Variants in GET3 observed in about 807,000 individuals in gnomAD.
GET3 encodes the protein ATPase GET3.
GET3 carries 15 observed loss-of-function variants against 32.4 expected under a neutral mutation model. The ratio of observed to expected loss-of-function variants is 0.46; its 90% CI spans 0.31 to 0.71. The LOEUF is 0.71. Among genes scored for constraint, GET3 ranks in the 30% least tolerant of loss-of-function variants. The probability of loss-of-function intolerance (pLI) is 0.05; values close to 1 mark genes in which losing one functional copy is unlikely to be tolerated. For synonymous variants in GET3, 198 were observed against 185.6 expected, an observed-to-expected ratio of 1.07 and a Z score of -0.54; for missense variants, 333 against 459.0, an observed-to-expected ratio of 0.73 and a Z score of 2.51.
chr19:12,745,285 C>A lies in GET3; in HGVS notation c.310-92C>A. 6.7e-7 allele frequency: 1 copy of A among 1,498,176 alleles called. No homozygotes were observed. The highest frequency in any genetic ancestry group is 1.9e-5 in the Admixed American group (1 of 53,906). The allele number at this position is 1,498,176 out of a possible 1,614,324, so 92.8% of individuals were successfully genotyped here. A position where few individuals can be genotyped will look rare whatever the true frequency, so the allele number is the denominator to read the frequency against. On this transcript the variant is annotated intron_variant, in intron 2 of 6. Coordinates refer to ENST00000357332, the MANE Select transcript of GET3 (RefSeq NM_004317.4). The surrounding 1 kb of genome is among the most constrained non-coding windows in gnomAD (Gnocchi z 5.0). ...CCACAGGCTCCCTCTGGCCCTGTGC[C>A]CGGGTAGGAAGGCTCCCCCTGGCCC...
chr19:12,739,231 G>A (rs1489446299), intron 2 of GET3, among the ~76,000 whole-genome samples: 1 of 151,678 alleles, frequency 6.6e-6, no homozygotes, highest in African/African-American at 2.4e-5. Flanking sequence ...GCAGTAACCC[G>A]ATCTAGGCTG....
Position 12,737,587 on chromosome 19 carries a change from C to A in GET3, c.82C>A (p.Leu28Ile). Residue 28 changes from leucine (L) to isoleucine (I), a missense_variant, in exon 1 of 7, where the codon CTT (leucine) becomes ATT (isoleucine). Physicochemically the swap from Leu to Ile is conservative, Grantham distance 5. Coordinates refer to ENST00000357332, the MANE Select transcript of GET3 (RefSeq NM_004317.4). ...TGATGTGGAGCCGCTGGAGCCTACA[C>A]TTAGCAACATCATCGAGCAGCGCAG... Reference protein sequence around the residue: ...APDVEPLEPTLSNIIEQRSLK... With the variant: ...APDVEPLEPTISNIIEQRSLK... 1 of 1,612,350 alleles carries A rather than the reference C, an allele frequency of 6.2e-7. No homozygotes were observed. The highest frequency in any genetic ancestry group is 2.2e-5 in the East Asian group (1 of 44,660).
chr19:12,748,071 C>A lies in GET3; in HGVS notation c.1014C>A (p.Leu338=). The change falls in exon 7 of 7, where the codon CTC becomes CTA. Residue 338 remains leucine (L), a synonymous_variant. Transcript: ENST00000357332. Reference sequence around the variant, plus strand: ...AGGTCAACACCTTCTCGGCCCTCCTCCTGGAGCCCTACAAGCCCCCCAGTG... The same window carrying A: ...AGGTCAACACCTTCTCGGCCCTCCTACTGGAGCCCTACAAGCCCCCCAGTG... ...ADKVNTFSAL[L]LEPYKPPSAQ is the part of the protein sequence containing the mutation. 1.9e-6 allele frequency: 3 copies of A among 1,610,168 alleles called. No homozygotes were observed. Among genetic ancestry groups the A allele is most frequent in the Non-Finnish European group, 2.5e-6 (3 of 1,177,368 alleles).
Position 12,747,739 on chromosome 19 carries a change from AGAGGACTGT to A in GET3, c.915+149_915+157del. 1.6e-6 allele frequency: 2 copies of A among 1,224,858 alleles called. No individual in the cohort carries two copies. Among genetic ancestry groups the A allele is most frequent in the Non-Finnish European group, 2.3e-6 (2 of 885,296 alleles). The allele number at this position is 1,224,858 out of a possible 1,614,324, so 75.9% of individuals were successfully genotyped here. The stretch of plus-strand genomic sequence containing the variant: ...GATCCTTCACCCTTATTCCGGCCAT[AGAGGACTGT>A]GGCTGGCCTGGCCTAGGTCCCTGTG... On this transcript the variant is annotated intron_variant, in intron 6 of 6. Coordinates refer to ENST00000357332, the MANE Select transcript of GET3 (RefSeq NM_004317.4). The surrounding 1 kb of genome is among the most constrained non-coding windows in gnomAD (Gnocchi z 4.0).
chr19:12,744,043 C>CAAAAAA (rs753666928), intron 2 of GET3, among the ~76,000 whole-genome samples: 1 of 47,818 alleles, frequency 2.1e-5, no homozygotes. Flanking sequence ...GACTCCATCT[C>CAAAAAA]AAAAAAAAAA....
chr19:12,737,809 A>C lies in GET3; in HGVS notation c.161+143A>C, dbSNP rs2066489. The C allele has an allele frequency of 1.1e-3, 1,260 of 1,154,810 alleles. 2 individuals carry two copies. The highest frequency in any genetic ancestry group is 1.4e-3 in the Non-Finnish European group (1,215 of 856,878). The allele number at this position is 1,154,810 out of a possible 1,614,324, so 71.5% of individuals were successfully genotyped here. On this transcript the variant is annotated intron_variant, in intron 1 of 6. Coordinates refer to ENST00000357332, the MANE Select transcript of GET3 (RefSeq NM_004317.4). ...GTTTCACTCTCTGGAAGTTACCTGG[A>C]GCAAATGAGAAAGACCTCAATGCAG...
upstream of GET3, chr19:12,737,389 G>A: frequency 7.9e-7 from 1 of 1,266,080 alleles, no homozygotes; most frequent in Admixed American, 3.5e-5. Context: ...TCTCCTAAAA[G>A]GCAAGTAATG....
chr19:12,748,320 C>T lies in GET3; in HGVS notation c.*216C>T. On this transcript the variant is annotated 3_prime_UTR_variant, in exon 7 of 7. Coordinates refer to ENST00000357332, the MANE Select transcript of GET3 (RefSeq NM_004317.4). Reference sequence around the variant, plus strand: ...TGCTCTTCAATAAAATGATCTTAAACTGCTGTATTGTTGACATTGGGAGGT... The same window carrying T: ...TGCTCTTCAATAAAATGATCTTAAATTGCTGTATTGTTGACATTGGGAGGT... 4.3e-6 allele frequency: 2 copies of T among 465,620 alleles called. No individual in the cohort carries two copies. The highest frequency in any genetic ancestry group is 3.4e-5 in the South Asian group (1 of 29,280). The allele number at this position is 465,620 out of a possible 1,614,324, so 28.8% of individuals were successfully genotyped here.
At chr19:12,746,484 A>T (rs1407629332) in intron 4 of GET3, among the ~76,000 whole-genome samples, 1 of 152,138 alleles carries the variant, frequency 6.6e-6, no homozygotes, top group Non-Finnish European at 1.5e-5. Flanking sequence ...AGTGCTGCAC[A>T]CCACCAGCAC....
chr19:12,739,425 C>CA (rs1282192469), intron 2 of GET3, among the ~76,000 whole-genome samples: 3 of 152,156 alleles, frequency 2.0e-5, no homozygotes, highest in Non-Finnish European at 4.4e-5. Flanking sequence ...CTCGGCCTCC[C>CA]ACAGTGCTGG....
chr19:12,744,675 T>C (rs1568349291), intron 2 of GET3, among the ~76,000 whole-genome samples: 1 of 152,072 alleles, frequency 6.6e-6, no homozygotes, highest in African/African-American at 2.4e-5. Flanking sequence ...TGCTAAGCGC[T>C]AAGGACACAG....
At position 12,747,043 on chromosome 19, in the gene GET3, A is replaced by G. The variant is rs1445489838; in HGVS notation, c.610-154A>G. 6.6e-6 allele frequency among the ~76,000 whole-genome samples: 1 copy of G among 151,952 alleles called. No homozygotes were observed. Among genetic ancestry groups the G allele is most frequent in the East Asian group, 1.9e-4 (1 of 5,188 alleles). ...AAAAAAAAGAAAGAAAGAAATGGAA[A>G]AGCTAGTATTTGACCAACCCCAGGA... On this transcript the variant is annotated intron_variant, in intron 4 of 6. Transcript: ENST00000357332. The surrounding 1 kb of genome is among the most constrained non-coding windows in gnomAD (Gnocchi z 4.0).
At position 12,745,875 on chromosome 19, in the gene GET3, A is replaced by T; in HGVS notation, c.609+116A>T. 7.5e-7 allele frequency: 1 copy of T among 1,338,192 alleles called. No homozygotes were observed. Among genetic ancestry groups the T allele is most frequent in the Non-Finnish European group, 1.0e-6 (1 of 1,004,774 alleles). The allele number at this position is 1,338,192 out of a possible 1,614,324, so 82.9% of individuals were successfully genotyped here. ...TTCCCTTTCCTTCCCACCCCTTCTC[A>T]CTCTGGACTTCTCCCTGGAGGGGAT... On this transcript the variant is annotated intron_variant, in intron 4 of 6. Coordinates refer to ENST00000357332, the MANE Select transcript of GET3 (RefSeq NM_004317.4). The surrounding 1 kb of genome is among the most constrained non-coding windows in gnomAD (Gnocchi z 5.0).
At position 12,742,066 on chromosome 19, in the gene GET3, A is replaced by G. The variant is rs1967680685; in HGVS notation, c.310-3311A>G. On this transcript the variant is annotated intron_variant, in intron 2 of 6. Coordinates refer to ENST00000357332, the MANE Select transcript of GET3 (RefSeq NM_004317.4). ...GATCACGTGAGGTCAGGAGTTCAAG[A>G]CCAGCCTGGGCAACAAAGGGAGACC... 2.0e-5 allele frequency among the ~76,000 whole-genome samples: 3 copies of G among 151,992 alleles called. No individual in the cohort carries two copies. The South Asian group carries it at 6.2e-4, about 31-fold the overall frequency.
rs768339644 is a variant in GET3, at chr19:12,738,628, G to A, written c.279G>A (p.Lys93=). The A allele has an allele frequency of 3.1e-6, 5 of 1,614,052 alleles. No homozygotes were observed. The highest frequency in any genetic ancestry group is 3.4e-6 in the Non-Finnish European group (4 of 1,180,050). Residue 93 remains lysine, a synonymous_variant, in exon 2 of 7, where the codon AAG becomes AAA. Coordinates refer to ENST00000357332, the MANE Select transcript of GET3 (RefSeq NM_004317.4). ...FDQKFSKVPT[K]VKGYDNLFAM... ...AGAAGTTCTCAAAGGTGCCTACCAA[G>A]GTCAAAGGCTATGACAACCTCTTTG...
At chr19:12,744,510 G>A (rs1967734256) in intron 2 of GET3, among the ~76,000 whole-genome samples, 1 of 152,048 alleles carries the variant, frequency 6.6e-6, no homozygotes, top group African/African-American at 2.4e-5. Flanking sequence ...AGTAGAGACG[G>A]GGTTTCACCA....
chr19:12,745,297 G>T lies in GET3; in HGVS notation c.310-80G>T. 6.5e-7 allele frequency: 1 copy of T among 1,536,752 alleles called. No homozygotes were observed. Among genetic ancestry groups the T allele is most frequent in the East Asian group, 2.3e-5 (1 of 44,324 alleles). ...TCTGGCCCTGTGCCCGGGTAGGAAG[G>T]CTCCCCCTGGCCCTGTGCCCAGGTG... On this transcript the variant is annotated intron_variant, in intron 2 of 6. Transcript: ENST00000357332. The surrounding 1 kb of genome is among the most constrained non-coding windows in gnomAD (Gnocchi z 5.0).
intron 1 of GET3, among the ~76,000 whole-genome samples, chr19:12,738,289 G>A (rs1014335318): frequency 2.0e-5 from 3 of 152,142 alleles, no homozygotes; most frequent in African/African-American, 7.2e-5. Flanking sequence ...GACTCAGTCA[G>A]CTGAACCTTA....
chr19:12,743,042 A>C (rs1967699002), intron 2 of GET3, among the ~76,000 whole-genome samples: 1 of 152,150 alleles, frequency 6.6e-6, no homozygotes, highest in South Asian at 2.1e-4. Flanking sequence ...AGAAGCTTAA[A>C]ATATATGAAG....
Sources: allele counts gnomAD v4.1 joint callset (sites outside exome capture counted in the v4.1 genomes callset), GRCh38; gene constraint gnomAD v4.1.1; non-coding constraint Gnocchi (gnomAD v3.1); transcripts MANE v1.5; gene names NCBI Gene and HGNC (gene_info 2026-07-23, HGNC 2026-07-21).